ADAM10: variants seen among roughly 807,000 people sequenced by gnomAD.
ADAM10 encodes the protein disintegrin and metalloproteinase domain-containing protein 10.
Under a neutral mutation model 90.1 loss-of-function variants are expected in ADAM10, and 17 were observed. The observed-to-expected ratio is 0.19, with a 90% CI of 0.13 to 0.28. The LOEUF (loss-of-function observed/expected upper bound fraction) is 0.28, where lower values mean the gene tolerates loss of function less well. Among genes scored for constraint, ADAM10 ranks in the 10% least tolerant of loss-of-function variants. The probability of loss-of-function intolerance (pLI) is 1.00; values close to 1 mark genes in which losing one functional copy is unlikely to be tolerated. For missense variants in ADAM10, 610 were observed against 914.3 expected, an observed-to-expected ratio of 0.67 and a Z score of 4.29; for synonymous variants, 310 against 298.6, an observed-to-expected ratio of 1.04 and a Z score of -0.40.
In ADAM10 at chr15:58,749,612, G is replaced by A. The variant is rs1310602461; in HGVS notation, c.-78C>T. On this transcript the variant is annotated 5_prime_UTR_variant, in exon 1 of 16. Transcript: ENST00000260408. The stretch of plus-strand genomic sequence containing the variant: ...ATCGATCCGGAGGGAGAAGCTGAAG[G>A]GGCTTGGTCCGGAGCCTCCACGGGA... 1.9e-6 allele frequency: 3 copies of A among 1,545,882 alleles called. No individual in the cohort carries two copies. Among genetic ancestry groups the A allele is most frequent in the East Asian group, 2.5e-5 (1 of 40,376 alleles).
intron 2 of ADAM10, among the ~76,000 whole-genome samples, chr15:58,709,947 T>G (rs1296777240): frequency 6.6e-6 from 1 of 152,038 alleles, no homozygotes; most frequent in Admixed American, 6.6e-5. Context: ...ACAAAAACCC[T>G]CATTCCCTCT....
At chr15:58,649,972 T>A (rs1021025407) in intron 5 of ADAM10, among the ~76,000 whole-genome samples, 1 of 152,174 alleles carries the variant, frequency 6.6e-6, no homozygotes, top group South Asian at 2.1e-4. Flanking sequence ...GTATTTTCCA[T>A]CCTTTTCTTA....
chr15:58,637,711 G>T (rs1461954391), intron 8 of ADAM10, among the ~76,000 whole-genome samples: 8 of 150,944 alleles, frequency 5.3e-5, no homozygotes, highest in Non-Finnish European at 1.2e-4. Flanking sequence ...TGTGTAGATT[G>T]TATTTATATA....
intron 11 of ADAM10, among the ~76,000 whole-genome samples, chr15:58,615,049 C>T (rs1187482544): frequency 2.0e-5 from 3 of 152,020 alleles, no homozygotes; most frequent in Admixed American, 2.0e-4. Flanking sequence ...CCGAGGCAGG[C>T]AGATCACGAG....
chr15:58,740,499 T>C (rs1899575624), intron 1 of ADAM10, among the ~76,000 whole-genome samples: 1 of 152,218 alleles, frequency 6.6e-6, no homozygotes, highest in Non-Finnish European at 1.5e-5. Flanking sequence ...TTTTTACTAC[T>C]TATACATATC....
At chr15:58,634,498 G>A (rs907576041) in intron 8 of ADAM10, among the ~76,000 whole-genome samples, 1 of 151,718 alleles carries the variant, frequency 6.6e-6, no homozygotes, top group East Asian at 1.9e-4. Context: ...TCATTAACAG[G>A]GACTTTAGAA....
chr15:58,721,844 A>G (rs1898864555), intron 1 of ADAM10, among the ~76,000 whole-genome samples: 1 of 152,162 alleles, frequency 6.6e-6, no homozygotes. Flanking sequence ...CCTGGCCAAC[A>G]TGGTGAAACC....
At chr15:58,742,953 G>A in intron 1 of ADAM10, among the ~76,000 whole-genome samples, 1 of 152,068 alleles carries the variant, frequency 6.6e-6, no homozygotes, top group East Asian at 1.9e-4. Flanking sequence ...CAGCTATGGA[G>A]AGGCTGAGGT....
At chr15:58,611,696 T>G in intron 12 of ADAM10, 112 bp downstream of exon 12, 2 of 1,052,138 alleles carry the variant, frequency 1.9e-6, no homozygotes, top group Non-Finnish European at 2.8e-6. Context: ...GAATATTACT[T>G]AAACAGAGAC....
intron 1 of ADAM10, among the ~76,000 whole-genome samples, chr15:58,736,366 T>C (rs985284556): frequency 1.2e-3 from 182 of 152,276 alleles, no homozygotes; most frequent in African/African-American, 4.1e-3. Context: ...CTAGCATATA[T>C]TACAGTCACA....
intron 11 of ADAM10, among the ~76,000 whole-genome samples, chr15:58,616,894 G>A (rs1157741861): frequency 6.6e-6 from 1 of 152,068 alleles, no homozygotes; most frequent in African/African-American, 2.4e-5. Context: ...AGATCACAAG[G>A]TCAAGAGATT....
intron 2 of ADAM10, chr15:58,692,756 G>A (rs1596075393): frequency 1.7e-6 from 1 of 599,760 alleles, no homozygotes; most frequent in Admixed American, 1.9e-5. Flanking sequence ...TCGTCATTGT[G>A]CTTTGTGATG....
At position 58,590,721 on chromosome 15, in the gene ADAM10, T is replaced by C. The variant is rs1894806613; in HGVS notation, c.*6826A>G. Reference sequence around the variant, plus strand: ...TTAGAAACACAAAGGCTAACTCCCATACCCAAAGGGCAAGGGAAGAAAACG... The same window carrying C: ...TTAGAAACACAAAGGCTAACTCCCACACCCAAAGGGCAAGGGAAGAAAACG... On this transcript the variant is annotated 3_prime_UTR_variant, in exon 16 of 16. Coordinates refer to ENST00000260408, the MANE Select transcript of ADAM10 (RefSeq NM_001110.4). The C allele has an allele frequency of 6.6e-6, 1 of 152,180 alleles. No individual in the cohort carries two copies. Among genetic ancestry groups the C allele is most frequent in the African/African-American group, 2.4e-5 (1 of 41,448 alleles). 9.4% of individuals were successfully genotyped at this position (152,180 alleles called of 1,614,324 possible). A position where few individuals can be genotyped will look rare whatever the true frequency, so the allele number is the denominator to read the frequency against.
At position 58,589,990 on chromosome 15, in the gene ADAM10, A is replaced by C. The variant is rs1349321635; in HGVS notation, c.*7557T>G. 1 of 152,222 alleles carries C rather than the reference A, an allele frequency of 6.6e-6. No homozygotes were observed. The allele number at this position is 152,222 out of a possible 1,614,324, so 9.4% of individuals were successfully genotyped here. ...AAAAAACATTTAAAAAAATAAAGGA[A>C]TCTGAATGACTAGGCTGACATACCT... On this transcript the variant is annotated 3_prime_UTR_variant, in exon 16 of 16. Transcript: ENST00000260408.
In ADAM10 at chr15:58,611,037, T is replaced by A; in HGVS notation, c.1766A>T (p.Asp589Val). 6.2e-7 allele frequency: 1 copy of A among 1,613,900 alleles called. No individual in the cohort carries two copies. The highest frequency in any genetic ancestry group is 8.5e-7 in the Non-Finnish European group (1 of 1,179,806). Residue 589 changes from aspartate to valine, a missense_variant, in exon 13 of 16, where the codon GAT (aspartate) becomes GTT (valine). Physicochemically the swap from Asp to Val is radical, Grantham distance 152. Around this residue, in one of 4 missense-constraint regions of ADAM10, gnomAD observed 150 missense variants for 268.5 expected, o/e 0.56. Coordinates refer to ENST00000260408, the MANE Select transcript of ADAM10 (RefSeq NM_001110.4). ...ECTCASSDGK[D>V]DKELCHVCCM... Reference sequence around the variant, plus strand: ...GCATACATGGCATAATTCTTTATCATCTTTGCCATCAGAACTGGCACACGT... The same window carrying A: ...GCATACATGGCATAATTCTTTATCAACTTTGCCATCAGAACTGGCACACGT...
At chr15:58,659,292 C>T (rs1210262887) in intron 5 of ADAM10, among the ~76,000 whole-genome samples, 2 of 151,662 alleles carry the variant, frequency 1.3e-5, no homozygotes, top group African/African-American at 4.8e-5. Flanking sequence ...AAAAAAAAAG[C>T]TTTTATTCCT....
chr15:58,664,646 C>T (rs1279169730), intron 5 of ADAM10, among the ~76,000 whole-genome samples: 1 of 151,742 alleles, frequency 6.6e-6, no homozygotes, highest in Non-Finnish European at 1.5e-5. Context: ...TCACCTATGA[C>T]TAAAGAAAAA....
Position 58,672,786 on chromosome 15 carries a change from C to CAAAAAAAAAAAAAAAAAAAAAAAAA in ADAM10, c.484+6337_484+6338insTTTTTTTTTTTTTTTTTTTTTTTTT, listed in dbSNP as rs58659295. On this transcript the variant is annotated intron_variant, in intron 4 of 15. Coordinates refer to ENST00000260408, the MANE Select transcript of ADAM10 (RefSeq NM_001110.4). Reference sequence around the variant, plus strand: ...TGAGCTAAAGGAAGGCCTCATGCAGCAAAAAAAAAAAAAAAAAAAAAAAAG... The same window carrying CAAAAAAAAAAAAAAAAAAAAAAAAA: ...TGAGCTAAAGGAAGGCCTCATGCAGCAAAAAAAAAAAAAAAAAAAAAAAAAAAAAAAAAAAAAAAAAAAAAAAAAG... The CAAAAAAAAAAAAAAAAAAAAAAAAA allele has an allele frequency of 2.6e-4, 16 of 60,846 alleles. 1 individual carries two copies. Among genetic ancestry groups the CAAAAAAAAAAAAAAAAAAAAAAAAA allele is most frequent in the African/African-American group, 8.4e-4 (14 of 16,670 alleles). The allele number at this position is 60,846 out of a possible 1,614,324, so 3.8% of individuals were successfully genotyped here. A position where few individuals can be genotyped will look rare whatever the true frequency, so the allele number is the denominator to read the frequency against.
rs200599439 is a variant in ADAM10, at chr15:58,682,238, G to C, written c.283C>G (p.Leu95Val). 6 of 1,612,812 alleles carry C rather than the reference G, an allele frequency of 3.7e-6. No homozygotes were observed. The highest frequency in any genetic ancestry group is 5.1e-6 in the Non-Finnish European group (6 of 1,179,474). Residue 95 changes from leucine (L) to valine (V), a missense_variant, in exon 3 of 16, where the codon CTT becomes GTT. Transcript: ENST00000260408. ...EFKVETSNKV[L>V]DYDTSHIYTG... ...TAAATATGAGAGGTATCATAATCAA[G>C]TACTTTATTTGATGTTTCTACTTTA...
Sources: allele counts gnomAD v4.1 joint callset (sites outside exome capture counted in the v4.1 genomes callset), GRCh38; gene constraint gnomAD v4.1.1; regional missense constraint gnomAD v4.1.1; transcripts MANE v1.5; gene names NCBI Gene and HGNC (gene_info 2026-07-23, HGNC 2026-07-21).